The following MTAP variants were observed in gnomAD, a reference collection of about 807,000 sequenced individuals.
The protein encoded by MTAP is S-methyl-5'-thioadenosine phosphorylase.
MTAP carries 33 observed loss-of-function variants against 33.6 expected under a neutral mutation model. The ratio of observed to expected loss-of-function variants is 0.98; its 90% CI spans 0.74 to 1.31. MTAP has a LOEUF of 1.31. Ranked by LOEUF, MTAP falls within the 40% of genes most tolerant of loss-of-function variation. MTAP has a pLI of 0.00. For synonymous variants in MTAP, 148 were observed against 125.7 expected, an observed-to-expected ratio of 1.18 and a Z score of -1.19; for missense variants, 367 against 360.0, an observed-to-expected ratio of 1.02 and a Z score of -0.16.
chr9:21,808,391 C>A (rs910330196), intron 1 of MTAP, among the ~76,000 whole-genome samples: 1 of 150,956 alleles, frequency 6.6e-6, no homozygotes, highest in East Asian at 1.9e-4. Flanking sequence ...TCAAGACCAG[C>A]CTGGGCAGCA....
chr9:21,827,877 A>G (rs1290997660), intron 4 of MTAP, among the ~76,000 whole-genome samples: 1 of 152,252 alleles, frequency 6.6e-6, no homozygotes, highest in East Asian at 1.9e-4. Context: ...TGCTAAATAG[A>G]GTGGAATACA....
rs143227558 is a variant in MTAP, at chr9:21,838,301, G to C, written c.450+291G>C. ...ACATAGAATATCACATTACTCAAGA[G>C]TATGCAGTCTGGAGCCAGATTACTT... On this transcript the variant is annotated intron_variant, in intron 5 of 7. Coordinates refer to ENST00000644715, the MANE Select transcript of MTAP (RefSeq NM_002451.4). Among the ~76,000 whole-genome samples, 840 of 152,298 alleles carry C rather than the reference G, an allele frequency of 5.5e-3. 7 individuals are homozygous for C. Among genetic ancestry groups the C allele is most frequent in the Non-Finnish European group, 8.2e-3 (555 of 68,026 alleles).
At chr9:21,898,590 T>C (rs989159196) in intron 1 of MTAP, among the ~76,000 whole-genome samples, 3 of 152,134 alleles carry the variant, frequency 2.0e-5, no homozygotes, top group Admixed American at 1.3e-4. Context: ...ACAGGCCCTT[T>C]TCAAAAGAAT....
At chr9:21,930,134 T>C (rs1818933366) in intron 1 of MTAP, 1 of 439,282 alleles carries the variant, frequency 2.3e-6, no homozygotes, top group Non-Finnish European at 4.5e-6. Context: ...CACAGCAGAA[T>C]GGGTTCTAAT....
intron 5 of MTAP, among the ~76,000 whole-genome samples, chr9:21,844,109 A>C (rs1825318323): frequency 6.6e-6 from 1 of 152,234 alleles, no homozygotes; most frequent in East Asian, 1.9e-4. Context: ...ACCTTTATGC[A>C]CACAAACTAG....
chr9:21,830,659 C>G lies in MTAP; in HGVS notation c.348-7249C>G, dbSNP rs191984025. On this transcript the variant is annotated intron_variant, in intron 4 of 7. Coordinates refer to ENST00000644715, the MANE Select transcript of MTAP (RefSeq NM_002451.4). Reference sequence around the variant, plus strand: ...CCAGATTCATAATTTTGGAACTTCTCTCCTATGGTACACACCCTTGTATGT... The same window carrying G: ...CCAGATTCATAATTTTGGAACTTCTGTCCTATGGTACACACCCTTGTATGT... Among the ~76,000 whole-genome samples, 232 of 152,310 alleles carry G rather than the reference C, an allele frequency of 1.5e-3. 2 individuals carry two copies. The highest frequency in any genetic ancestry group is 0.013 in the South Asian group (65 of 4,824).
chr9:21,836,908 A>C (rs370439522), intron 4 of MTAP, among the ~76,000 whole-genome samples: 127 of 152,232 alleles, frequency 8.3e-4, no homozygotes, highest in African/African-American at 3.0e-3. Flanking sequence ...CAGTGAAACT[A>C]TTTCTCAGTG....
chr9:21,849,497 T>C (rs113450118), intron 5 of MTAP, among the ~76,000 whole-genome samples: 1 of 152,162 alleles, frequency 6.6e-6, no homozygotes, highest in Admixed American at 6.5e-5. Context: ...AGTGCCAGAA[T>C]GCATAACTGG....
intron 1 of MTAP, among the ~76,000 whole-genome samples, chr9:21,874,323 A>G (rs760809263): frequency 1.1e-4 from 16 of 152,228 alleles, no homozygotes; most frequent in Non-Finnish European, 1.3e-4. Flanking sequence ...TGATAAGAAT[A>G]AAAATTTCTT....
At chr9:21,809,625 T>A (rs1188101396) in intron 1 of MTAP, among the ~76,000 whole-genome samples, 2 of 144,270 alleles carry the variant, frequency 1.4e-5, no homozygotes, top group Non-Finnish European at 3.0e-5. Context: ...GGCGACAGAG[T>A]GAGACTCCGT....
At chr9:21,929,979 C>T (rs1320372549) in intron 1 of MTAP, 4 of 417,466 alleles carry the variant, frequency 9.6e-6, no homozygotes, top group Non-Finnish European at 1.9e-5. Flanking sequence ...TTCCCCAAAC[C>T]TTCAAATATT....
rs1824464639 is a variant in MTAP, at chr9:21,815,983, T to C, written c.120+464T>C. ...GAACATACCTGATGTTAGTTGAATG[T>C]GTAACTGAGCTAGAAATAAAATGCT... is the stretch of plus-strand genomic sequence containing the variant. On this transcript the variant is annotated intron_variant, in intron 2 of 7. Coordinates refer to ENST00000644715, the MANE Select transcript of MTAP (RefSeq NM_002451.4). Among the ~76,000 whole-genome samples the C allele has an allele frequency of 2.6e-5, 4 of 152,210 alleles. 1 individual carries two copies.
chr9:21,851,263 A>T (rs1193316899), intron 5 of MTAP, among the ~76,000 whole-genome samples: 1 of 152,218 alleles, frequency 6.6e-6, no homozygotes, highest in Non-Finnish European at 1.5e-5. Flanking sequence ...AGAAGAAGGT[A>T]GTCATCGATA....
intron 3 of MTAP, 142 bp from the exon 4 acceptor site, chr9:21,817,893 C>A: frequency 1.4e-6 from 1 of 715,698 alleles, no homozygotes; most frequent in Non-Finnish European, 2.1e-6. Flanking sequence ...GTTTTAGTTG[C>A]TCACTGGACT....
At chr9:21,808,302 A>T (rs1166838735) in intron 1 of MTAP, among the ~76,000 whole-genome samples, 1 of 152,026 alleles carries the variant, frequency 6.6e-6, no homozygotes, top group Non-Finnish European at 1.5e-5. Flanking sequence ...AACACACATG[A>T]GGCCGGGCAT....
intron 1 of MTAP, among the ~76,000 whole-genome samples, chr9:21,804,311 A>C (rs1337588382): frequency 6.6e-6 from 1 of 152,206 alleles, no homozygotes; most frequent in Non-Finnish European, 1.5e-5. Context: ...GCAGGAATAC[A>C]CTTCAAGCGC....
intron 6 of MTAP, 48 bp from the exon 7 acceptor site, chr9:21,859,254 GC>G: frequency 6.4e-7 from 1 of 1,564,932 alleles, no homozygotes; most frequent in Non-Finnish European, 8.6e-7. Context: ...TTTATGACAA[GC>G]AGTGGAATTT....
intron 1 of MTAP, among the ~76,000 whole-genome samples, chr9:21,925,130 T>C (rs527536305): frequency 2.6e-5 from 4 of 152,310 alleles, no homozygotes; most frequent in South Asian, 2.1e-4. Context: ...AAGAATTGCA[T>C]GTTCTTATGT....
intron 2 of MTAP, among the ~76,000 whole-genome samples, chr9:21,816,313 A>G (rs1262576828): frequency 6.6e-6 from 1 of 152,232 alleles, no homozygotes; most frequent in African/African-American, 2.4e-5. Flanking sequence ...TAACACAAGC[A>G]GACATTTCCA....
Sources: gnomAD v4.1 joint callset for allele counts (sites outside exome capture counted in the v4.1 genomes callset) on GRCh38, gnomAD v4.1.1 for gene constraint, MANE v1.5 for transcripts, NCBI Gene and HGNC (gene_info 2026-07-23, HGNC 2026-07-21) for gene names.